ZC3H13: variants seen among roughly 807,000 people sequenced by gnomAD.
ZC3H13 encodes the protein zinc finger CCCH domain-containing protein 13.
In ZC3H13, 64 loss-of-function variants were observed where a neutral mutation model predicts 204.1. The observed-to-expected ratio is 0.31, with a 90% CI of 0.26 to 0.39. The LOEUF is 0.39. Ranked by LOEUF, ZC3H13 falls within the 10% of genes least tolerant of loss-of-function variation. ZC3H13 has a pLI of 1.00. For synonymous variants in ZC3H13, 667 were observed against 693.7 expected (o/e 0.96, Z 0.60); for missense variants, 1,833 against 2,082.7 (o/e 0.88, Z 2.33).
At chr13:46,042,113 T>C (rs376859433) in intron 4 of ZC3H13, 51 bp downstream of exon 4, 9 of 1,394,248 alleles carry the variant, frequency 6.5e-6, no homozygotes, top group Middle Eastern at 3.6e-4. Flanking sequence ...GAAACTCAAA[T>C]TAACAAATCA....
chr13:45,976,249 G>A (rs1021621505), intron 11 of ZC3H13: 21 of 985,104 alleles, frequency 2.1e-5, no homozygotes, highest in Non-Finnish European at 2.4e-5. Flanking sequence ...GGCAGCAGGA[G>A]GTGTAGAACA....
intron 5 of ZC3H13, among the ~76,000 whole-genome samples, chr13:46,014,207 G>C (rs1391250312): frequency 1.3e-5 from 2 of 152,028 alleles, no homozygotes; most frequent in Non-Finnish European, 2.9e-5. Context: ...GGATACATGT[G>C]CTGAATGTGC....
chr13:46,028,560 G>A (rs1020265503), intron 4 of ZC3H13, among the ~76,000 whole-genome samples: 2 of 151,692 alleles, frequency 1.3e-5, no homozygotes, highest in African/African-American at 4.8e-5. Context: ...TCACATTCTG[G>A]GCCATAAAAC....
At position 45,967,807 on chromosome 13, in the gene ZC3H13, A is replaced by G. The variant is rs780577764; in HGVS notation, c.4018T>C (p.Leu1340=). The G allele has an allele frequency of 4.2e-5, 68 of 1,613,006 alleles. No individual in the cohort carries two copies. The highest frequency in any genetic ancestry group is 1.2e-4 in the African/African-American group (9 of 74,950). Residue 1340 remains leucine, a synonymous_variant, in exon 15 of 19, where the codon TTG becomes CTG. Coordinates refer to ENST00000679008, the MANE Select transcript of ZC3H13 (RefSeq NM_001330564.2). ...DWPRNRDRDR[L]RERERERERD... The stretch of plus-strand genomic sequence containing the variant: ...TCTCTCTCTCGTTCTCGTTCTCGCA[A>G]TCTATCTCGATCCCTGTTGCGTGGC...
In ZC3H13 at chr13:46,003,462, C is replaced by A. The variant is rs969809100; in HGVS notation, c.747-126G>T. On this transcript the variant is annotated intron_variant, in intron 7 of 18. Coordinates refer to ENST00000679008, the MANE Select transcript of ZC3H13 (RefSeq NM_001330564.2). ...CTTTATTATTTTGTATACTACTAAC[C>A]AATATCAAGAAGAAAAAAAAACTAA... 7.8e-6 allele frequency: 6 copies of A among 774,066 alleles called. No homozygotes were observed. The Admixed American group carries it at 1.1e-4, about 14-fold the overall frequency. 47.9% of individuals were successfully genotyped at this position (774,066 alleles called of 1,614,324 possible).
At chr13:45,972,698 G>C (rs1406616532) in intron 12 of ZC3H13, among the ~76,000 whole-genome samples, 3 of 152,186 alleles carry the variant, frequency 2.0e-5, no homozygotes, top group Admixed American at 2.0e-4. Flanking sequence ...GCCCAAGCTT[G>C]TGTACTACTT....
At chr13:46,024,634 C>T (rs1192982929) in intron 4 of ZC3H13, among the ~76,000 whole-genome samples, 1 of 151,954 alleles carries the variant, frequency 6.6e-6, no homozygotes, top group Non-Finnish European at 1.5e-5. Context: ...TTCTATCTCT[C>T]ATGTACTGCA....
chr13:45,968,646 C>T (rs1593467483), intron 14 of ZC3H13, 102 bp downstream of exon 14: 2 of 1,426,908 alleles, frequency 1.4e-6, no homozygotes, highest in Non-Finnish European at 1.9e-6. Context: ...AAATTTAAGG[C>T]AGCATGTAAA....
chr13:46,045,369 G>A (rs2043876657), intron 2 of ZC3H13, 22 bp downstream of exon 2: 1 of 1,553,598 alleles, frequency 6.4e-7, no homozygotes, highest in East Asian at 2.2e-5. Flanking sequence ...GAACCCCTGT[G>A]ACTATACTAG....
intron 17 of ZC3H13, among the ~76,000 whole-genome samples, chr13:45,960,683 C>G (rs2137744871): frequency 6.6e-6 from 1 of 152,200 alleles, no homozygotes; most frequent in Admixed American, 6.5e-5. Context: ...AGAACAGGAC[C>G]AGTCAGTAAT....
intron 9 of ZC3H13, among the ~76,000 whole-genome samples, chr13:45,986,862 C>A (rs1219880551): frequency 1.3e-5 from 2 of 152,142 alleles, no homozygotes; most frequent in Non-Finnish European, 2.9e-5. Flanking sequence ...CTCATGGACC[C>A]AAACATCTTG....
At chr13:46,041,533 C>T (rs567823767) in intron 4 of ZC3H13, among the ~76,000 whole-genome samples, 27 of 152,086 alleles carry the variant, frequency 1.8e-4, no homozygotes, top group Non-Finnish European at 3.2e-4. Context: ...ACCACTGAGG[C>T]GTACACTTTT....
chr13:45,968,898 G>C lies in ZC3H13; in HGVS notation c.3646C>G (p.Arg1216Gly), dbSNP rs1952320908. Residue 1216 changes from arginine to glycine, a missense_variant, in exon 14 of 19, where the codon CGA becomes GGA. Physicochemically the swap from Arg to Gly is moderately radical, Grantham distance 125. Around this residue, in one of 5 missense-constraint regions of ZC3H13, gnomAD observed 1,574 missense variants for 1,757.2 expected, o/e 0.90. Coordinates refer to ENST00000679008, the MANE Select transcript of ZC3H13 (RefSeq NM_001330564.2). ...CGACCACTTTGGTCATCTCCACTTCGATGGGCTGAATCATTGGATGGGGAG... is the reference window on the plus strand; with the variant it reads ...CGACCACTTTGGTCATCTCCACTTCCATGGGCTGAATCATTGGATGGGGAG... ...LRSPSNDSAH[R>G]SGDDQSGRKR... 2 of 1,613,914 alleles carry C rather than the reference G, an allele frequency of 1.2e-6. No homozygotes were observed. Among genetic ancestry groups the C allele is most frequent in the Non-Finnish European group, 1.7e-6 (2 of 1,180,032 alleles).
At chr13:46,010,224 T>C (rs2041450972) in intron 7 of ZC3H13, 124 bp downstream of exon 7, 2 of 1,017,424 alleles carry the variant, frequency 2.0e-6, no homozygotes, top group East Asian at 2.9e-5. Context: ...AATTTCTTTT[T>C]AGAACAAAAA....
intron 8 of ZC3H13, among the ~76,000 whole-genome samples, chr13:45,991,999 A>C (rs2040003269): frequency 6.6e-6 from 1 of 152,194 alleles, no homozygotes; most frequent in African/African-American, 2.4e-5. Flanking sequence ...AGTAACACCA[A>C]TGTTTCTTTC....
At chr13:45,959,364 A>G in intron 18 of ZC3H13, 119 bp downstream of exon 18, 1 of 1,011,174 alleles carries the variant, frequency 9.9e-7, no homozygotes. Context: ...ACATGTATAA[A>G]AGATTAGGAA....
Position 45,969,797 on chromosome 13 carries a change from G to T in ZC3H13, c.2747C>A (p.Ser916Tyr). Residue 916 changes from serine to tyrosine, a missense_variant, in exon 14 of 19, where the codon TCT becomes TAT. Ser to Tyr is a moderately radical substitution (Grantham distance 144). Around this residue, in one of 5 missense-constraint regions of ZC3H13, gnomAD observed 1,574 missense variants for 1,757.2 expected, o/e 0.90. Coordinates refer to ENST00000679008, the MANE Select transcript of ZC3H13 (RefSeq NM_001330564.2). ...TGTCTGTTCTCTCTGTTTATCTACA[G>T]AAGAAACTTTCTCCTTGAGTTCCTG... ...EEQELKEKVS[S>Y]VDKQREQTEI... 6.2e-7 allele frequency: 1 copy of T among 1,613,864 alleles called. No homozygotes were observed. The highest frequency in any genetic ancestry group is 8.5e-7 in the Non-Finnish European group (1 of 1,180,020).
intron 11 of ZC3H13, among the ~76,000 whole-genome samples, chr13:45,977,712 A>G (rs1446493438): frequency 6.8e-6 from 1 of 146,092 alleles, no homozygotes; most frequent in African/African-American, 2.6e-5. Flanking sequence ...GACCTTGATC[A>G]GGTCTTCTTA....
At chr13:46,040,522 C>A (rs1419449601) in intron 4 of ZC3H13, among the ~76,000 whole-genome samples, 1 of 151,808 alleles carries the variant, frequency 6.6e-6, no homozygotes, top group Admixed American at 6.6e-5. Flanking sequence ...TCTTTGTGAC[C>A]CTGGACTAAA....
Sources: allele counts gnomAD v4.1 joint callset (sites outside exome capture counted in the v4.1 genomes callset), GRCh38; gene constraint gnomAD v4.1.1; regional missense constraint gnomAD v4.1.1; transcripts MANE v1.5; gene names NCBI Gene and HGNC (gene_info 2026-07-23, HGNC 2026-07-21).